The following AIG1 variants were observed in gnomAD, a reference collection of about 807,000 sequenced individuals.
The protein encoded by AIG1 is androgen-induced gene 1 protein.
Under a neutral mutation model 31.4 loss-of-function variants are expected in AIG1, and 23 were observed. That is an observed-to-expected ratio of 0.73 (90% confidence interval 0.53 to 1.04). The LOEUF (loss-of-function observed/expected upper bound fraction) is 1.04. AIG1 is among the 50% of genes least tolerant of loss of function. The pLI is 0.00. For synonymous variants in AIG1, 100 were observed against 110.5 expected, an observed-to-expected ratio of 0.90 and a Z score of 0.60; for missense variants, 274 against 295.0, an observed-to-expected ratio of 0.93 and a Z score of 0.52.
chr6:143,126,342 A>T (rs2128506773), intron 1 of AIG1: 1 of 152,304 alleles, frequency 6.6e-6, no homozygotes, highest in South Asian at 2.1e-4. Context: ...TAGAATTGCT[A>T]CCGGGTGTTC....
At chr6:143,091,662 G>T (rs1195583350) in intron 1 of AIG1, among the ~76,000 whole-genome samples, 1 of 152,138 alleles carries the variant, frequency 6.6e-6, no homozygotes, top group Non-Finnish European at 1.5e-5. Context: ...CAGTAGGTTG[G>T]CATCTTAATA....
At chr6:143,188,612 C>CTCAGAA (rs1159624003) in intron 3 of AIG1, 16 of 985,148 alleles carry the variant, frequency 1.6e-5, no homozygotes, top group Non-Finnish European at 1.9e-5. Flanking sequence ...TATGCCAGCT[C>CTCAGAA]TCAGATTTGT....
At chr6:143,229,311 C>T (rs1440211323) in intron 3 of AIG1, among the ~76,000 whole-genome samples, 4 of 152,102 alleles carry the variant, frequency 2.6e-5, no homozygotes, top group Non-Finnish European at 5.9e-5. Flanking sequence ...ACTTTTTTAA[C>T]CTTTTAGTTT....
At chr6:143,082,497 G>C (rs967182018) in intron 1 of AIG1, among the ~76,000 whole-genome samples, 15 of 152,196 alleles carry the variant, frequency 9.9e-5, no homozygotes, top group Admixed American at 8.5e-4. Flanking sequence ...TCAAGTAATA[G>C]AGCCCGATAT....
rs548252977 is a variant in AIG1, at chr6:143,308,965, G to A, written c.516-24317G>A. On this transcript the variant is annotated intron_variant, in intron 4 of 5. Coordinates refer to ENST00000357847, the MANE Select transcript of AIG1 (RefSeq NM_016108.4). ...ATATATTTAAAAAATATATTTAAAAGAAAAACTACAAATACCAAAGCCAAA... is the reference window on the plus strand; with the variant it reads ...ATATATTTAAAAAATATATTTAAAAAAAAAACTACAAATACCAAAGCCAAA... 1.7e-4 allele frequency among the ~76,000 whole-genome samples: 26 copies of A among 151,864 alleles called. 1 individual carries two copies. The South Asian group carries it at 3.7e-3, about 22-fold the overall frequency.
intron 3 of AIG1, chr6:143,188,593 C>T: frequency 1.0e-6 from 1 of 985,284 alleles, no homozygotes; most frequent in Non-Finnish European, 1.2e-6. Flanking sequence ...TACAAGTCAT[C>T]TATTCTCTTA....
At chr6:143,236,547 A>C (rs1793820818) in intron 3 of AIG1, among the ~76,000 whole-genome samples, 1 of 152,164 alleles carries the variant, frequency 6.6e-6, no homozygotes. Flanking sequence ...CTTCACACCA[A>C]GTTCCTGCCC....
At chr6:143,161,565 G>C (rs1335041407) in intron 2 of AIG1, among the ~76,000 whole-genome samples, 1 of 150,264 alleles carries the variant, frequency 6.7e-6, no homozygotes, top group Non-Finnish European at 1.5e-5. Context: ...GTGTGTGTGT[G>C]TGTACATATA....
Position 143,224,795 on chromosome 6 carries a change from G to GCTGT in AIG1, c.400-59313_400-59310dup, listed in dbSNP as rs1792809314. On this transcript the variant is annotated intron_variant, in intron 3 of 5. Transcript: ENST00000357847. ...GGTTTCCATCCCTCCTACCCCTACA[G>GCTGT]CTGTCCTCAGTCCCTGACATTAAGA... Among the ~76,000 whole-genome samples the GCTGT allele has an allele frequency of 2.6e-5, 4 of 152,124 alleles. No homozygotes were observed. The South Asian group carries it at 8.3e-4, about 32-fold the overall frequency.
intron 1 of AIG1, 67 bp downstream of exon 1, chr6:143,061,133 TG>T: frequency 6.4e-7 from 1 of 1,555,584 alleles, no homozygotes. Flanking sequence ...TGTGTGTGTG[TG>T]TGTGTGTGTG....
At position 143,325,492 on chromosome 6, in the gene AIG1, A is replaced by G. The variant is rs766047647; in HGVS notation, c.516-7790A>G. On this transcript the variant is annotated intron_variant, in intron 4 of 5. Transcript: ENST00000357847. This position sits in a 1 kb window ranked among gnomAD's most constrained non-coding sequence, Gnocchi z 4.3. ...ATATTTTACAGGTACCTCAAACTCA[A>G]CATGTCCAGACTGAACTCATCATCC... 1.3e-5 allele frequency among the ~76,000 whole-genome samples: 2 copies of G among 152,184 alleles called. No homozygotes were observed. Among genetic ancestry groups the G allele is most frequent in the Non-Finnish European group, 2.9e-5 (2 of 68,020 alleles).
intron 3 of AIG1, among the ~76,000 whole-genome samples, chr6:143,238,940 A>G (rs1010265530): frequency 2.6e-5 from 4 of 152,232 alleles, no homozygotes; most frequent in African/African-American, 9.6e-5. Context: ...CACTGTAGAC[A>G]TAATTACCAG....
chr6:143,180,562 G>A (rs1267984537), intron 3 of AIG1, among the ~76,000 whole-genome samples: 1 of 152,206 alleles, frequency 6.6e-6, no homozygotes, highest in African/African-American at 2.4e-5. Flanking sequence ...CAGAAAGATT[G>A]CTGAGCTTCA....
intron 4 of AIG1, among the ~76,000 whole-genome samples, chr6:143,318,449 A>T (rs1346274247): frequency 1.3e-5 from 2 of 152,180 alleles, no homozygotes; most frequent in African/African-American, 4.8e-5. Context: ...ATGAAACTGG[A>T]TCCTCATCTT....
intron 3 of AIG1, among the ~76,000 whole-genome samples, chr6:143,181,207 A>C (rs1383664214): frequency 6.6e-6 from 1 of 152,228 alleles, no homozygotes; most frequent in Non-Finnish European, 1.5e-5. Flanking sequence ...ACGTATTCTA[A>C]AGTAACTAAG....
intron 4 of AIG1, among the ~76,000 whole-genome samples, chr6:143,294,929 T>A (rs1367125279): frequency 6.6e-6 from 1 of 152,080 alleles, no homozygotes; most frequent in African/African-American, 2.4e-5. Context: ...CTACCCACTC[T>A]CCCTAGGTAA....
intron 1 of AIG1, among the ~76,000 whole-genome samples, chr6:143,129,806 C>G (rs2128511192): frequency 6.6e-6 from 1 of 151,628 alleles, no homozygotes; most frequent in East Asian, 1.9e-4. Flanking sequence ...TTTCTTTTTC[C>G]TCTATTTTGA....
chr6:143,202,445 G>T (rs1790770212), intron 3 of AIG1, among the ~76,000 whole-genome samples: 1 of 151,982 alleles, frequency 6.6e-6, no homozygotes, highest in Non-Finnish European at 1.5e-5. Context: ...TTTTTGATTT[G>T]GTTTGGTTTG....
chr6:143,213,732 G>C (rs1481054972), intron 3 of AIG1, among the ~76,000 whole-genome samples: 1 of 149,500 alleles, frequency 6.7e-6, no homozygotes, highest in Non-Finnish European at 1.5e-5. Flanking sequence ...GTCCAGGCTG[G>C]TCCCAAACTC....
Sources: allele counts gnomAD v4.1 joint callset (sites outside exome capture counted in the v4.1 genomes callset), GRCh38; gene constraint gnomAD v4.1.1; non-coding constraint Gnocchi (gnomAD v3.1); transcripts MANE v1.5; gene names NCBI Gene and HGNC (gene_info 2026-07-23, HGNC 2026-07-21).